Variants in KAZN observed in about 807,000 individuals in gnomAD.
KAZN encodes kazrin.
A neutral mutation model predicts 87.4 loss-of-function variants in KAZN; 40 were observed. The ratio of observed to expected loss-of-function variants is 0.46; its 90% CI spans 0.36 to 0.60. KAZN has a LOEUF of 0.60. KAZN is among the 20% of genes least tolerant of loss of function. KAZN has a pLI of 0.00. For missense variants in KAZN, 898 were observed against 1,073.9 expected (o/e 0.84, Z 2.29); for synonymous variants, 466 against 458.3 (o/e 1.02, Z -0.22).
intron 2 of KAZN, among the ~76,000 whole-genome samples, chr1:14,430,660 C>G (rs576406787): frequency 8.5e-5 from 13 of 152,298 alleles, no homozygotes; most frequent in African/African-American, 2.2e-4. Flanking sequence ...ACAAGCCAGA[C>G]AGAGGATAAT....
chr1:14,530,708 C>T (rs926053700), intron 2 of KAZN, among the ~76,000 whole-genome samples: 1 of 152,152 alleles, frequency 6.6e-6, no homozygotes, highest in Non-Finnish European at 1.5e-5. Context: ...TTCCTGAGGC[C>T]TCCCCAGAAG....
At chr1:14,123,814 C>A (rs571671333) in intron 1 of KAZN, among the ~76,000 whole-genome samples, 1 of 152,214 alleles carries the variant, frequency 6.6e-6, no homozygotes, top group African/African-American at 2.4e-5. Flanking sequence ...CAAACACACA[C>A]CCCTGGTCTC....
At chr1:14,339,781 A>T (rs1657552185) in intron 2 of KAZN, among the ~76,000 whole-genome samples, 1 of 152,206 alleles carries the variant, frequency 6.6e-6, no homozygotes, top group Non-Finnish European at 1.5e-5. Flanking sequence ...ATAACGTTTG[A>T]CCAGATATCT....
chr1:14,631,220 A>G (rs1280193643), intron 1 of KAZN, among the ~76,000 whole-genome samples: 2 of 152,146 alleles, frequency 1.3e-5, no homozygotes, highest in East Asian at 3.9e-4. Context: ...GCTGGGATCT[A>G]AGAGATTAAA....
intron 2 of KAZN, among the ~76,000 whole-genome samples, chr1:15,023,969 CTG>C (rs1278807846): frequency 1.3e-5 from 2 of 152,090 alleles, no homozygotes; most frequent in African/African-American, 4.8e-5. Flanking sequence ...GCTAAGGCCA[CTG>C]TGAACTGAGT....
At chr1:14,350,178 C>T (rs1464904158) in intron 2 of KAZN, among the ~76,000 whole-genome samples, 1 of 149,562 alleles carries the variant, frequency 6.7e-6, no homozygotes, top group Non-Finnish European at 1.5e-5. Context: ...CTTGGAAGAA[C>T]CCCCAGTCTC....
chr1:14,177,629 C>T (rs1241471397), intron 1 of KAZN, among the ~76,000 whole-genome samples: 2 of 152,110 alleles, frequency 1.3e-5, no homozygotes, highest in East Asian at 1.9e-4. Flanking sequence ...GATGAGAAGG[C>T]TGACATTGTT....
At chr1:14,338,152 G>C (rs987513089) in intron 2 of KAZN, among the ~76,000 whole-genome samples, 1 of 151,970 alleles carries the variant, frequency 6.6e-6, no homozygotes, top group Non-Finnish European at 1.5e-5. Context: ...ATGGTTTTAG[G>C]AATGACATTG....
intron 1 of KAZN, among the ~76,000 whole-genome samples, chr1:14,848,494 C>G (rs1649041785): frequency 6.6e-6 from 1 of 152,182 alleles, no homozygotes; most frequent in Non-Finnish European, 1.5e-5. Flanking sequence ...AAAATGAAGC[C>G]AATTATCATT....
At chr1:14,667,361 A>G (rs1229398091) in intron 1 of KAZN, among the ~76,000 whole-genome samples, 3 of 152,160 alleles carry the variant, frequency 2.0e-5, no homozygotes, top group African/African-American at 7.2e-5. Flanking sequence ...AGGGGACTCG[A>G]AGGTGAATTT....
intron 1 of KAZN, among the ~76,000 whole-genome samples, chr1:14,107,985 C>T (rs1362836536): frequency 6.6e-6 from 1 of 152,114 alleles, no homozygotes; most frequent in African/African-American, 2.4e-5. Context: ...TGCAAGATTT[C>T]TAAGATCATC....
intron 1 of KAZN, among the ~76,000 whole-genome samples, chr1:14,111,761 G>A (rs113803407): frequency 0.13 from 12,284 of 98,136 alleles, 570 homozygotes; most frequent in East Asian, 0.27. Context: ...TTTTTTTGAG[G>A]TGGAGTCTCG....
rs368079646 is a variant in KAZN at position 14,837,770 on chromosome 1, G to C, written c.227-122914G>C. On this transcript the variant is annotated intron_variant, in intron 1 of 14. Coordinates refer to ENST00000376030, the MANE Select transcript of KAZN (RefSeq NM_201628.3). The stretch of plus-strand genomic sequence containing the variant: ...AGAGACAAGCCTGTTGCCCTGGCTG[G>C]TCTTGAACTCCTGGATTCGAGCAAT... Among the ~76,000 whole-genome samples, 3 of 151,692 alleles carry C rather than the reference G, an allele frequency of 2.0e-5. No homozygotes were observed. The East Asian group carries it at 5.8e-4, about 29-fold the overall frequency.
chr1:14,958,960 A>G (rs1197676186), intron 1 of KAZN, among the ~76,000 whole-genome samples: 1 of 152,190 alleles, frequency 6.6e-6, no homozygotes, highest in African/African-American at 2.4e-5. Context: ...GTGCTGTTCT[A>G]GGCATGAGGA....
intron 1 of KAZN, among the ~76,000 whole-genome samples, chr1:14,814,162 A>G (rs1199009638): frequency 6.6e-6 from 1 of 152,220 alleles, no homozygotes; most frequent in Non-Finnish European, 1.5e-5. Context: ...TGTGAAGCCA[A>G]CAACTTCCCT....
At chr1:14,169,524 G>T (rs998113241) in intron 1 of KAZN, among the ~76,000 whole-genome samples, 47 of 152,288 alleles carry the variant, frequency 3.1e-4, no homozygotes, top group African/African-American at 1.1e-3. Flanking sequence ...TGCTGTCCTA[G>T]GTTGAGCACA....
At chr1:14,670,439 G>T (rs1215768852) in intron 1 of KAZN, among the ~76,000 whole-genome samples, 5 of 152,158 alleles carry the variant, frequency 3.3e-5, no homozygotes, top group Non-Finnish European at 7.4e-5. Flanking sequence ...TTCCTAACAC[G>T]TACCTAGGTG....
chr1:13,928,803 A>G (rs937186116), intron 1 of KAZN, among the ~76,000 whole-genome samples: 1 of 152,110 alleles, frequency 6.6e-6, no homozygotes, highest in Admixed American at 6.6e-5. Flanking sequence ...TTTGCTGAGT[A>G]CATGCCTTGG....
At chr1:14,145,399 G>A (rs1194551808) in intron 1 of KAZN, among the ~76,000 whole-genome samples, 1 of 151,968 alleles carries the variant, frequency 6.6e-6, no homozygotes, top group Admixed American at 6.6e-5. Context: ...AGCTATGATT[G>A]CACTACTGCA....
Sources: allele counts gnomAD v4.1 joint callset (sites outside exome capture counted in the v4.1 genomes callset), GRCh38; gene constraint gnomAD v4.1.1; transcripts MANE v1.5; gene names NCBI Gene and HGNC (gene_info 2026-07-23, HGNC 2026-07-21).